The following XIRP2 variants were observed in gnomAD, a reference collection of about 807,000 sequenced individuals.
XIRP2 encodes xin actin-binding repeat-containing protein 2.
XIRP2 carries 236 observed loss-of-function variants against 277.0 expected under a neutral mutation model. That is an observed-to-expected ratio of 0.85 (90% confidence interval 0.77 to 0.95). XIRP2 has a LOEUF of 0.95. XIRP2 is among the 40% of genes least tolerant of loss of function. XIRP2 has a pLI of 0.00. For synonymous variants in XIRP2, 1,490 were observed against 1,416.5 expected, an observed-to-expected ratio of 1.05 and a Z score of -1.17; for missense variants, 4,640 against 4,157.5, an observed-to-expected ratio of 1.12 and a Z score of -3.19.
rs766090113 is a variant in XIRP2 at position 167,247,523 on chromosome 2, GA to G, written c.6133del (p.Arg2045AspfsTer35). 13 of 1,613,742 alleles carry G rather than the reference GA, an allele frequency of 8.1e-6. No homozygotes were observed. The South Asian group carries it at 1.3e-4, about 16-fold the overall frequency. ...AATGATGCTCTGGAGAAAAGCCTTA[GA>G]AGACTATCTAATTCACACCATAAAT... ...QNNDALEKSL[R>X]RLSNSHHKSN... On this transcript the variant is annotated frameshift_variant, in exon 9 of 11. Transcript: ENST00000409195. LOFTEE classifies it high-confidence loss of function.
chr2:167,198,591 T>A (rs1005742133), intron 3 of XIRP2, among the ~76,000 whole-genome samples: 4 of 152,190 alleles, frequency 2.6e-5, no homozygotes, highest in Non-Finnish European at 5.9e-5. Flanking sequence ...ATTAGCCAGT[T>A]AAGTAGAAAT....
intron 2 of XIRP2, among the ~76,000 whole-genome samples, chr2:167,027,910 G>A (rs930604651): frequency 6.6e-6 from 1 of 151,952 alleles, no homozygotes; most frequent in African/African-American, 2.4e-5. Context: ...TAACACATTT[G>A]CCTAGCAAAT....
At position 167,248,819 on chromosome 2, in the gene XIRP2, A is replaced by G; in HGVS notation, c.7427A>G (p.Glu2476Gly). 6.2e-7 allele frequency: 1 copy of G among 1,613,722 alleles called. No individual in the cohort carries two copies. Among genetic ancestry groups the G allele is most frequent in the Non-Finnish European group, 8.5e-7 (1 of 1,179,784 alleles). The change falls in exon 9 of 11, where the codon GAG becomes GGG. Residue 2476 changes from glutamate to glycine, a missense_variant. Transcript: ENST00000409195. ...GTGATGACCAGCAGTGAACACACGG[A>G]GACAAAGCAGAACGTTATTAGTAAG... is the stretch of plus-strand genomic sequence containing the variant. The part of the protein sequence containing the change: ...VMVMTSSEHT[E>G]TKQNVISKSL...
chr2:167,172,372 G>T (rs1692723387), intron 3 of XIRP2, among the ~76,000 whole-genome samples: 1 of 152,144 alleles, frequency 6.6e-6, no homozygotes, highest in African/African-American at 2.4e-5. Flanking sequence ...GAAGTTTCGG[G>T]CACGCATTGT....
intron 2 of XIRP2, among the ~76,000 whole-genome samples, chr2:166,998,373 C>T (rs1034065748): frequency 1.3e-5 from 2 of 152,172 alleles, no homozygotes; most frequent in Admixed American, 1.3e-4. Context: ...AGCAGTGGCT[C>T]ATACCTGTAA....
intron 2 of XIRP2, among the ~76,000 whole-genome samples, chr2:166,922,852 G>GCTTGTGCCAGCTCCTCT (rs1685091059): frequency 6.7e-6 from 1 of 149,878 alleles, no homozygotes. Flanking sequence ...AGGTAACCAG[G>GCTTGTGCCAGCTCCTCT]GGTGATAGCA....
At chr2:167,028,425 A>G (rs1196523887) in intron 2 of XIRP2, among the ~76,000 whole-genome samples, 2 of 152,078 alleles carry the variant, frequency 1.3e-5, no homozygotes, top group Non-Finnish European at 2.9e-5. Flanking sequence ...TGGTAATCCA[A>G]GGAATTCTCT....
chr2:167,126,175 G>A (rs1026877278), intron 2 of XIRP2, among the ~76,000 whole-genome samples: 19 of 131,132 alleles, frequency 1.4e-4, no homozygotes, highest in Admixed American at 5.7e-4. Flanking sequence ...CTCCTTGTGC[G>A]CTCTCTCTCT....
chr2:167,124,751 C>T (rs1051389216), intron 2 of XIRP2, among the ~76,000 whole-genome samples: 9 of 152,110 alleles, frequency 5.9e-5, no homozygotes, highest in African/African-American at 1.4e-4. Flanking sequence ...GGTGTCACTT[C>T]GACCCCATGT....
intron 2 of XIRP2, among the ~76,000 whole-genome samples, chr2:166,914,622 G>T (rs966927875): frequency 3.3e-5 from 5 of 152,136 alleles, no homozygotes; most frequent in Admixed American, 6.5e-5. Context: ...GATTACAGGC[G>T]TGAGCCAACA....
chr2:167,222,165 G>T (rs1694453291), intron 5 of XIRP2, among the ~76,000 whole-genome samples: 1 of 152,098 alleles, frequency 6.6e-6, no homozygotes, highest in Admixed American at 6.5e-5. Context: ...AGAAAAAAGG[G>T]GTGCACAATA....
intron 2 of XIRP2, among the ~76,000 whole-genome samples, chr2:166,947,610 T>G (rs1383296970): frequency 2.0e-5 from 3 of 152,078 alleles, no homozygotes; most frequent in Non-Finnish European, 4.4e-5. Context: ...TAGTGTGGTG[T>G]TCAAAATTCT....
At chr2:167,119,020 G>A (rs1449814555) in intron 2 of XIRP2, among the ~76,000 whole-genome samples, 1 of 152,188 alleles carries the variant, frequency 6.6e-6, no homozygotes, top group Non-Finnish European at 1.5e-5. Context: ...ACTGAGATAT[G>A]TTCATTGATT....
intron 3 of XIRP2, among the ~76,000 whole-genome samples, chr2:167,201,202 GAA>G (rs769463406): frequency 7.6e-5 from 4 of 52,910 alleles, no homozygotes; most frequent in African/African-American, 8.6e-5. Flanking sequence ...AAGAAAGAAA[GAA>G]AGAAAGAAAG....
At chr2:167,031,627 G>T (rs181909161) in intron 2 of XIRP2, among the ~76,000 whole-genome samples, 360 of 152,208 alleles carry the variant, frequency 2.4e-3, no homozygotes, top group African/African-American at 8.2e-3. Flanking sequence ...CAAAATCAAT[G>T]TGCAGAAATC....
chr2:166,972,394 C>T (rs369311160), intron 2 of XIRP2, among the ~76,000 whole-genome samples: 1 of 152,092 alleles, frequency 6.6e-6, no homozygotes, highest in East Asian at 1.9e-4. Flanking sequence ...ATTAGCAGCT[C>T]GATGATGTCA....
At chr2:167,043,604 A>T (rs1044252004) in intron 2 of XIRP2, among the ~76,000 whole-genome samples, 1 of 152,078 alleles carries the variant, frequency 6.6e-6, no homozygotes, top group South Asian at 2.1e-4. Flanking sequence ...GAAATAGATA[A>T]AGTCTTGGAA....
chr2:166,921,030 G>C (rs1479747454), intron 2 of XIRP2, among the ~76,000 whole-genome samples: 1 of 152,028 alleles, frequency 6.6e-6, no homozygotes, highest in Non-Finnish European at 1.5e-5. Flanking sequence ...CTAACAAGAA[G>C]TTTATTTTTC....
chr2:167,113,262 C>G (rs1690811634), intron 2 of XIRP2, among the ~76,000 whole-genome samples: 1 of 152,076 alleles, frequency 6.6e-6, no homozygotes, highest in Non-Finnish European at 1.5e-5. Context: ...AAGTCTCTCC[C>G]TATAATTGTG....
Sources: allele counts gnomAD v4.1 joint callset (sites outside exome capture counted in the v4.1 genomes callset), GRCh38; gene constraint gnomAD v4.1.1; transcripts MANE v1.5; gene names NCBI Gene and HGNC (gene_info 2026-07-23, HGNC 2026-07-21).